The following GALNT17 variants were observed in gnomAD, a reference collection of about 807,000 sequenced individuals.
GALNT17 encodes the protein UDP-GalNAc:polypeptide N-acetylgalactosaminyltransferase-like 3.
GALNT17 carries 29 observed loss-of-function variants against 63.7 expected under a neutral mutation model. The observed-to-expected ratio is 0.46, with a 90% CI of 0.34 to 0.62. The LOEUF is 0.62. GALNT17 is among the 20% of genes least tolerant of loss of function. The probability of loss-of-function intolerance (pLI) is 0.01; values close to 1 mark genes in which losing one functional copy is unlikely to be tolerated. For missense variants in GALNT17, 603 were observed against 799.6 expected (o/e 0.75, Z 2.97); for synonymous variants, 305 against 318.3 (o/e 0.96, Z 0.45).
chr7:71,333,856 A>T (rs188927624), intron 1 of GALNT17, among the ~76,000 whole-genome samples: 2 of 152,182 alleles, frequency 1.3e-5, no homozygotes, highest in Non-Finnish European at 2.9e-5. Flanking sequence ...GTACATTCCC[A>T]CTAGTAATGT....
chr7:71,501,261 G>A (rs761737818), intron 5 of GALNT17, among the ~76,000 whole-genome samples: 10 of 151,670 alleles, frequency 6.6e-5, no homozygotes, highest in Admixed American at 2.0e-4. Flanking sequence ...GAGCCACCGC[G>A]CCCAGCCTAG....
At chr7:71,525,524 G>C (rs898596190) in intron 5 of GALNT17, among the ~76,000 whole-genome samples, 1 of 151,342 alleles carries the variant, frequency 6.6e-6, no homozygotes, top group African/African-American at 2.4e-5. Context: ...TTGTGGTAAT[G>C]AGTAAGTCTC....
intron 2 of GALNT17, among the ~76,000 whole-genome samples, chr7:71,386,390 A>G (rs541059113): frequency 6.6e-6 from 1 of 152,146 alleles, no homozygotes; most frequent in African/African-American, 2.4e-5. Context: ...CCGTTGTGCT[A>G]TATATTGTGC....
chr7:71,167,445 C>CT (rs1562880103), intron 1 of GALNT17, among the ~76,000 whole-genome samples: 1 of 151,818 alleles, frequency 6.6e-6, no homozygotes, highest in Non-Finnish European at 1.5e-5. Context: ...TCTAGTTTTT[C>CT]TTTTTTTGTT....
chr7:71,371,407 T>C (rs1792620825), intron 2 of GALNT17, among the ~76,000 whole-genome samples: 1 of 152,234 alleles, frequency 6.6e-6, no homozygotes, highest in African/African-American at 2.4e-5. Context: ...ACTCATGAAG[T>C]TCTACCTGTT....
At chr7:71,709,339 G>T (rs958122389) in intron 9 of GALNT17, among the ~76,000 whole-genome samples, 8 of 152,148 alleles carry the variant, frequency 5.3e-5, no homozygotes, top group African/African-American at 1.4e-4. Flanking sequence ...TCACATGTTT[G>T]TTGGCCACTT....
intron 1 of GALNT17, among the ~76,000 whole-genome samples, chr7:71,225,092 C>T (rs1789657353): frequency 6.6e-6 from 1 of 152,100 alleles, no homozygotes; most frequent in African/African-American, 2.4e-5. Flanking sequence ...CCTCAGCCTC[C>T]CGCGTAGCTG....
chr7:71,364,744 G>T (rs1302954807), intron 2 of GALNT17, among the ~76,000 whole-genome samples: 1 of 152,056 alleles, frequency 6.6e-6, no homozygotes, highest in African/African-American at 2.4e-5. Flanking sequence ...CATGCTTTCT[G>T]CTTACAATCC....
chr7:71,711,904 T>A, intron 10 of GALNT17, 114 bp from the exon 11 acceptor site: 1 of 1,216,142 alleles, frequency 8.2e-7, no homozygotes, highest in East Asian at 2.4e-5. Context: ...TCTCTTTTTC[T>A]TTTTCTCTTT....
intron 5 of GALNT17, among the ~76,000 whole-genome samples, chr7:71,479,719 TA>T (rs1787782731): frequency 2.0e-5 from 3 of 152,226 alleles, no homozygotes; most frequent in South Asian, 4.1e-4. Context: ...TCCTCAGACA[TA>T]AGAAAATTGC....
chr7:71,427,286 C>A (rs1455576592), intron 5 of GALNT17, among the ~76,000 whole-genome samples: 2 of 151,316 alleles, frequency 1.3e-5, no homozygotes, highest in African/African-American at 2.4e-5. Flanking sequence ...TTAGTAGAGA[C>A]GAGGTTTTAC....
chr7:71,646,706 T>C (rs907012916), intron 6 of GALNT17, among the ~76,000 whole-genome samples: 4 of 151,482 alleles, frequency 2.6e-5, no homozygotes, highest in African/African-American at 7.3e-5. Flanking sequence ...CCACAGACAG[T>C]ATGTTTGGTG....
chr7:71,489,044 C>T (rs1445073973), intron 5 of GALNT17, among the ~76,000 whole-genome samples: 5 of 150,952 alleles, frequency 3.3e-5, no homozygotes, highest in African/African-American at 1.2e-4. Context: ...CAGGCGAGCA[C>T]CACCACACCT....
intron 1 of GALNT17, among the ~76,000 whole-genome samples, chr7:71,235,982 C>G (rs1789880701): frequency 6.6e-6 from 1 of 152,132 alleles, no homozygotes; most frequent in Non-Finnish European, 1.5e-5. Flanking sequence ...GAGTTCGAGA[C>G]CAGGCTAACC....
intron 7 of GALNT17, 138 bp from the exon 8 acceptor site, chr7:71,669,834 T>C (rs2117054691): frequency 9.4e-7 from 1 of 1,061,642 alleles, no homozygotes. Context: ...GTGCTGGGAT[T>C]ACAGGCATGA....
intron 5 of GALNT17, among the ~76,000 whole-genome samples, chr7:71,556,682 C>T (rs946533401): frequency 1.3e-5 from 2 of 152,076 alleles, no homozygotes; most frequent in African/African-American, 4.8e-5. Flanking sequence ...ACCTCAGCCT[C>T]CCGAGTATCT....
At position 71,594,239 on chromosome 7, in the gene GALNT17, A is replaced by G. The variant is rs367606436; in HGVS notation, c.1080+22837A>G. Among the ~76,000 whole-genome samples, 24 of 152,272 alleles carry G rather than the reference A, an allele frequency of 1.6e-4. No individual in the cohort carries two copies. The East Asian group carries it at 3.5e-3, about 22-fold the overall frequency. ...CCTGGGCAGGTTTGGGGTTTGCTCT[A>G]TGTGACTGGAGGGAGCTCTAAAGGT... On this transcript the variant is annotated intron_variant, in intron 6 of 10. Coordinates refer to ENST00000333538, the MANE Select transcript of GALNT17 (RefSeq NM_022479.3).
chr7:71,674,667 C>T lies in GALNT17; in HGVS notation c.1405-2544C>T, dbSNP rs140133595. Among the ~76,000 whole-genome samples, 596 of 152,232 alleles carry T rather than the reference C, an allele frequency of 3.9e-3. 10 individuals carry two copies. Among genetic ancestry groups the T allele is most frequent in the African/African-American group, 0.014 (571 of 41,542 alleles). ...AGTAGCTGGGACTACAAACACATGC[C>T]ACCATGCCTAGCTAATTTTGTTTAT... On this transcript the variant is annotated intron_variant, in intron 8 of 10. Coordinates refer to ENST00000333538, the MANE Select transcript of GALNT17 (RefSeq NM_022479.3).
At chr7:71,285,447 A>G (rs1391548390) in intron 1 of GALNT17, among the ~76,000 whole-genome samples, 2 of 152,192 alleles carry the variant, frequency 1.3e-5, no homozygotes, top group Non-Finnish European at 1.5e-5. Context: ...TCCACTTGCT[A>G]TGTGAGCTGC....
Sources: gnomAD v4.1 joint callset for allele counts (sites outside exome capture counted in the v4.1 genomes callset) on GRCh38, gnomAD v4.1.1 for gene constraint, MANE v1.5 for transcripts, NCBI Gene and HGNC (gene_info 2026-07-23, HGNC 2026-07-21) for gene names.